The following NXPE2 variants were observed in gnomAD, a reference collection of about 807,000 sequenced individuals.
NXPE2 encodes the protein neurexophilin and PC-esterase domain family member 2, also known as NXPE family member 2.
Under a neutral mutation model 34.4 loss-of-function variants are expected in NXPE2, and 34 were observed. The ratio of observed to expected loss-of-function variants is 0.99; its 90% CI spans 0.75 to 1.31. The LOEUF (loss-of-function observed/expected upper bound fraction) is 1.31, where lower values mean the gene tolerates loss of function less well. NXPE2 is among the 40% of genes most tolerant of loss of function. The probability of loss-of-function intolerance (pLI) is 0.00; values close to 1 mark genes in which losing one functional copy is unlikely to be tolerated. For synonymous variants in NXPE2, 235 were observed against 231.3 expected, an observed-to-expected ratio of 1.02 and a Z score of -0.15; for missense variants, 649 against 672.5, an observed-to-expected ratio of 0.97 and a Z score of 0.39.
chr11:114,612,868 C>T, the NXPE2 span, among the ~76,000 whole-genome samples: 24 of 149,380 alleles, frequency 1.6e-4, no homozygotes, highest in African/African-American at 3.9e-4. Flanking sequence ...AATGTTACCC[C>T]GTGGATAATA....
At chr11:114,811,557 G>A in the NXPE2 span, among the ~76,000 whole-genome samples, 1 of 152,150 alleles carries the variant, frequency 6.6e-6, no homozygotes, top group East Asian at 1.9e-4. Flanking sequence ...GAGGCAAACA[G>A]CCAGGCAGTG....
chr11:114,632,097 T>A, the NXPE2 span, among the ~76,000 whole-genome samples: 3 of 145,000 alleles, frequency 2.1e-5, no homozygotes, highest in African/African-American at 7.5e-5. Flanking sequence ...ATTGTAAATA[T>A]AATGTAATAT....
the NXPE2 span, among the ~76,000 whole-genome samples, chr11:114,572,082 T>C: frequency 6.6e-5 from 10 of 152,244 alleles, 1 homozygote; most frequent in South Asian, 2.1e-3. Flanking sequence ...TATGGGATTC[T>C]TTGCAGACAC....
the NXPE2 span, among the ~76,000 whole-genome samples, chr11:114,647,567 T>C: frequency 6.6e-6 from 1 of 152,210 alleles, no homozygotes; most frequent in Admixed American, 6.5e-5. Context: ...AATGTGTCAC[T>C]ACTAGGTTTT....
chr11:114,811,910 T>C, the NXPE2 span, among the ~76,000 whole-genome samples: 1 of 152,200 alleles, frequency 6.6e-6, no homozygotes, highest in Non-Finnish European at 1.5e-5. Context: ...AGGATAGTAA[T>C]GTGTACCTTA....
the NXPE2 span, among the ~76,000 whole-genome samples, chr11:114,569,281 A>C: frequency 6.6e-6 from 1 of 152,018 alleles, no homozygotes; most frequent in Non-Finnish European, 1.5e-5. Flanking sequence ...CATATCCAAC[A>C]CTCTTTTTTG....
the NXPE2 span, among the ~76,000 whole-genome samples, chr11:114,628,518 G>A: frequency 6.6e-6 from 1 of 151,776 alleles, no homozygotes; most frequent in African/African-American, 2.4e-5. Context: ...CACATTCAAA[G>A]CAGTGTGTAG....
the NXPE2 span, among the ~76,000 whole-genome samples, chr11:114,484,940 A>G: frequency 6.6e-5 from 10 of 152,192 alleles, no homozygotes; most frequent in African/African-American, 1.9e-4. Flanking sequence ...GAGCAAGTCA[A>G]TTTATCACTT....
chr11:114,698,338 G>A lies in NXPE2; in HGVS notation c.426G>A (p.Arg142=), dbSNP rs1266626842. The A allele has an allele frequency of 1.9e-6, 3 of 1,614,022 alleles. No individual in the cohort carries two copies. Among genetic ancestry groups the A allele is most frequent in the South Asian group, 1.1e-5 (1 of 91,058 alleles). ...LLEVRDHLGH[R]KQYGGDFLRA... is the part of the protein sequence containing the mutation. ...AGGTGAGGGACCACTTGGGACACAG[G>A]AAGCAATATGGTGGGGATTTCCTGA... Residue 142 remains arginine (R), a synonymous_variant, in exon 3 of 6, where the codon AGG becomes AGA. Transcript: ENST00000389586.
chr11:114,722,415 CT>C, the NXPE2 span, among the ~76,000 whole-genome samples: 1,500 of 146,114 alleles, frequency 0.01, 9 homozygotes, highest in African/African-American at 0.031. Flanking sequence ...AATTAAACCT[CT>C]TTTTTTTTTT....
At chr11:114,505,332 CCTAG>C in the NXPE2 span, among the ~76,000 whole-genome samples, 1 of 152,170 alleles carries the variant, frequency 6.6e-6, no homozygotes, top group Non-Finnish European at 1.5e-5. Context: ...ACTTCCCCAA[CCTAG>C]CTAGAGAGGC....
chr11:114,608,012 C>A, the NXPE2 span, among the ~76,000 whole-genome samples: 1 of 149,646 alleles, frequency 6.7e-6, no homozygotes, highest in Non-Finnish European at 1.5e-5. Flanking sequence ...TAAATGTTGC[C>A]TCAGGGAAAC....
the NXPE2 span, among the ~76,000 whole-genome samples, chr11:114,779,778 G>A: frequency 1.1e-4 from 16 of 152,092 alleles, no homozygotes; most frequent in African/African-American, 3.6e-4. Flanking sequence ...CTCGCTCAGG[G>A]AGATATTTGA....
At chr11:114,493,838 C>A in the NXPE2 span, among the ~76,000 whole-genome samples, 299 of 152,064 alleles carry the variant, frequency 2.0e-3, no homozygotes, top group Non-Finnish European at 3.1e-3. Flanking sequence ...TCATTTACCC[C>A]CTTTTTTTTC....
intron 3 of NXPE2, among the ~76,000 whole-genome samples, chr11:114,699,453 A>T (rs1951324472): frequency 6.6e-6 from 1 of 152,168 alleles, no homozygotes; most frequent in African/African-American, 2.4e-5. Context: ...GGTGAAATTT[A>T]AACTCTTTAA....
At chr11:114,513,868 C>G in the NXPE2 span, among the ~76,000 whole-genome samples, 5 of 151,926 alleles carry the variant, frequency 3.3e-5, no homozygotes, top group Non-Finnish European at 7.4e-5. Flanking sequence ...AATGCAAAGA[C>G]TTTTTGTAAA....
At chr11:114,621,960 A>G in the NXPE2 span, among the ~76,000 whole-genome samples, 5 of 152,092 alleles carry the variant, frequency 3.3e-5, no homozygotes, top group Non-Finnish European at 7.4e-5. Flanking sequence ...CCTGTGGATA[A>G]TAAGTATGGC....
the NXPE2 span, among the ~76,000 whole-genome samples, chr11:114,609,007 AGT>A: frequency 6.6e-6 from 1 of 151,926 alleles, no homozygotes; most frequent in African/African-American, 2.4e-5. Flanking sequence ...GTGGATAATA[AGT>A]GTTGCCTTGT....
the NXPE2 span, among the ~76,000 whole-genome samples, chr11:114,782,521 T>C: frequency 2.0e-5 from 3 of 152,330 alleles, no homozygotes; most frequent in Admixed American, 6.5e-5. Context: ...GCCATCCACA[T>C]ACCATTTAAT....
Sources: gnomAD v4.1 joint callset for allele counts (sites outside exome capture counted in the v4.1 genomes callset) on GRCh38, gnomAD v4.1.1 for gene constraint, MANE v1.5 for transcripts, NCBI Gene and HGNC (gene_info 2026-07-23, HGNC 2026-07-21) for gene names.